The following ADD3 variants were observed in gnomAD, a reference collection of about 807,000 sequenced individuals.
ADD3 encodes adducin 3, also known as gamma-adducin.
Under a neutral mutation model 80.2 loss-of-function variants are expected in ADD3, and 25 were observed. The ratio of observed to expected loss-of-function variants is 0.31; its 90% confidence interval spans 0.23 to 0.44. The LOEUF (loss-of-function observed/expected upper bound fraction) is 0.44. ADD3 is among the 20% of genes least tolerant of loss of function. The pLI is 1.00. For synonymous variants in ADD3, 284 were observed against 289.6 expected, an observed-to-expected ratio of 0.98 and a Z score of 0.20; for missense variants, 829 against 847.5, an observed-to-expected ratio of 0.98 and a Z score of 0.27.
intron 1 of ADD3, among the ~76,000 whole-genome samples, chr10:110,053,539 A>G (rs1354752771): frequency 1.4e-5 from 2 of 147,888 alleles, no homozygotes; most frequent in Non-Finnish European, 2.9e-5. Flanking sequence ...AAAGTAGTAC[A>G]TTTTCTCTCA....
intron 1 of ADD3, among the ~76,000 whole-genome samples, chr10:110,089,642 C>T (rs932961136): frequency 6.6e-6 from 1 of 151,632 alleles, no homozygotes; most frequent in Admixed American, 6.6e-5. Context: ...TGAGGGATTG[C>T]CTTTCTGTGG....
intron 1 of ADD3, among the ~76,000 whole-genome samples, chr10:110,081,400 G>A (rs1846043965): frequency 6.6e-6 from 1 of 152,144 alleles, no homozygotes; most frequent in South Asian, 2.1e-4. Flanking sequence ...TCCTTGCGTT[G>A]TTGGAGCTTT....
chr10:110,132,924 C>CAAAA (rs60435351), intron 14 of ADD3, among the ~76,000 whole-genome samples: 13 of 66,234 alleles, frequency 2.0e-4, no homozygotes, highest in Non-Finnish European at 2.0e-4. Flanking sequence ...GACTCCGCCT[C>CAAAA]AAAAAAAAAA....
chr10:110,059,054 T>G (rs1437779920), intron 1 of ADD3, among the ~76,000 whole-genome samples: 1 of 152,232 alleles, frequency 6.6e-6, no homozygotes, highest in Non-Finnish European at 1.5e-5. Context: ...TCCATTACCT[T>G]GGGCCTGGGT....
chr10:110,115,482 A>G (rs541887036), intron 3 of ADD3, among the ~76,000 whole-genome samples: 7 of 152,296 alleles, frequency 4.6e-5, no homozygotes, highest in Admixed American at 3.9e-4. Flanking sequence ...AAAAATAACA[A>G]TAGGGAGGCT....
upstream of ADD3, among the ~76,000 whole-genome samples, chr10:110,003,160 T>C (rs910125399): frequency 6.6e-6 from 1 of 152,126 alleles, no homozygotes; most frequent in Non-Finnish European, 1.5e-5. Context: ...CTGAGAGCTT[T>C]AAAAAGGTAA....
At chr10:110,007,002 GA>G (rs148204009), upstream of ADD3, among the ~76,000 whole-genome samples, 1 of 152,072 alleles carries the variant, frequency 6.6e-6, no homozygotes. Flanking sequence ...GGGTGGCAGA[GA>G]AAAGTGTGCA....
At chr10:110,095,622 T>C (rs1180331609) in intron 1 of ADD3, among the ~76,000 whole-genome samples, 3 of 152,228 alleles carry the variant, frequency 2.0e-5, no homozygotes, top group African/African-American at 7.2e-5. Flanking sequence ...TGTTTGTCAG[T>C]TGATAGATGT....
At chr10:110,082,631 C>T (rs979611098) in intron 1 of ADD3, among the ~76,000 whole-genome samples, 1 of 152,164 alleles carries the variant, frequency 6.6e-6, no homozygotes, top group Non-Finnish European at 1.5e-5. Flanking sequence ...CCTGAATTAG[C>T]ATTTGCTGAT....
intron 10 of ADD3, 135 bp from the exon 11 acceptor site, chr10:110,125,691 C>G: frequency 2.0e-6 from 1 of 500,518 alleles, no homozygotes. Context: ...GAAACTAATT[C>G]ACCACTAAGA....
chr10:110,013,508 A>G (rs906592271), intron 1 of ADD3, among the ~76,000 whole-genome samples: 1 of 152,168 alleles, frequency 6.6e-6, no homozygotes, highest in African/African-American at 2.4e-5. Context: ...GGAGGTAAAA[A>G]CACTTCTGAG....
chr10:110,051,141 A>G (rs1857471810), intron 1 of ADD3, among the ~76,000 whole-genome samples: 2 of 152,234 alleles, frequency 1.3e-5, no homozygotes, highest in African/African-American at 4.8e-5. Context: ...CTTGTACAAC[A>G]TACAAAAATA....
chr10:110,050,657 T>C (rs1468216846), intron 1 of ADD3, among the ~76,000 whole-genome samples: 4 of 151,844 alleles, frequency 2.6e-5, no homozygotes, highest in African/African-American at 9.7e-5. Context: ...GGATTACAGG[T>C]GTGCACGACC....
At position 110,051,642 on chromosome 10, in the gene ADD3, A is replaced by C. The variant is rs116837878; in HGVS notation, c.-30+43343A>C. On this transcript the variant is annotated intron_variant, in intron 1 of 14. Coordinates refer to ENST00000356080, the MANE Select transcript of ADD3 (RefSeq NM_016824.5). ...CTAGGGTATACCATTAAGTAGAACA[A>C]AGCAAGATGTAGAGAAGTGTGCATT... Among the ~76,000 whole-genome samples the C allele has an allele frequency of 5.3e-3, 809 of 152,356 alleles. 6 individuals carry two copies. The highest frequency in any genetic ancestry group is 0.019 in the African/African-American group (777 of 41,580).
intron 1 of ADD3, among the ~76,000 whole-genome samples, chr10:110,071,595 A>T (rs542542919): frequency 6.6e-6 from 1 of 152,112 alleles, no homozygotes; most frequent in Non-Finnish European, 1.5e-5. Flanking sequence ...AAATAGATTT[A>T]TTCTTCACTT....
intron 1 of ADD3, among the ~76,000 whole-genome samples, chr10:110,082,351 C>T (rs1383305413): frequency 1.3e-5 from 2 of 152,194 alleles, no homozygotes; most frequent in East Asian, 1.9e-4. Flanking sequence ...GTGGTTATGA[C>T]CTTTTGCAGG....
intron 1 of ADD3, among the ~76,000 whole-genome samples, chr10:110,072,521 G>C (rs1038070643): frequency 6.6e-6 from 1 of 152,172 alleles, no homozygotes; most frequent in African/African-American, 2.4e-5. Flanking sequence ...AGAGGGTTGT[G>C]GGACTTGAGG....
chr10:110,063,740 TATATA>T (rs1843513473), intron 1 of ADD3, among the ~76,000 whole-genome samples: 46 of 21,966 alleles, frequency 2.1e-3, no homozygotes, highest in African/African-American at 6.9e-3. Context: ...ATATTCATTA[TATATA>T]TATATATATA....
rs556477347 is a variant in ADD3, at chr10:110,037,902, A to G, written c.-30+29603A>G. On this transcript the variant is annotated intron_variant, in intron 1 of 14. Transcript: ENST00000356080. ...ATCAACATGGAGAAACCCCGTCTCT[A>G]CTAAAAAATAGAAAATTAGCTGGGT... 1.6e-4 allele frequency among the ~76,000 whole-genome samples: 25 copies of G among 151,990 alleles called. 1 individual carries two copies. The South Asian group carries it at 4.8e-3, about 29-fold the overall frequency.
Sources: allele counts gnomAD v4.1 joint callset (sites outside exome capture counted in the v4.1 genomes callset), GRCh38; gene constraint gnomAD v4.1.1; transcripts MANE v1.5; gene names NCBI Gene and HGNC (gene_info 2026-07-23, HGNC 2026-07-21).